The following SOAT2 variants were observed in gnomAD, a reference collection of about 807,000 sequenced individuals.
The protein encoded by SOAT2 is sterol O-acyltransferase 2, also known as ACAT-2.
Under a neutral mutation model 76.0 loss-of-function variants are expected in SOAT2, and 87 were observed. The observed-to-expected ratio is 1.14, with a 90% CI of 0.96 to 1.37. The LOEUF (loss-of-function observed/expected upper bound fraction) is 1.37, where lower values mean the gene tolerates loss of function less well. Among genes scored for constraint, SOAT2 ranks in the 40% most tolerant of loss-of-function variants. The pLI is 0.00. For synonymous variants in SOAT2, 285 were observed against 275.4 expected (o/e 1.03, Z -0.34); for missense variants, 686 against 682.1 (o/e 1.01, Z -0.06).
rs200859648 is a variant in SOAT2 at position 53,119,253 on chromosome 12, G to A, written c.1039G>A (p.Gly347Ser). ...CTCTATCCTGCATGCCACGTTGCCA[G>A]GTGAGCCAACTAAGGTAGGGCTAGA... ...VLSILHATLP[G>S]IFMLLLIFFA... Residue 347 changes from glycine to serine, a missense_variant and splice_region_variant, in exon 10 of 15, where the codon GGC becomes AGC. Gly to Ser is a moderately conservative substitution (Grantham distance 56). Coordinates refer to ENST00000301466, the MANE Select transcript of SOAT2 (RefSeq NM_003578.4). The A allele has an allele frequency of 1.7e-5, 28 of 1,613,934 alleles. No individual in the cohort carries two copies. In the East Asian group the frequency reaches 5.3e-4, roughly 31 times the overall value.
intron 13 of SOAT2, 84 bp downstream of exon 13, chr12:53,123,300 G>C: frequency 6.4e-7 from 1 of 1,555,992 alleles, no homozygotes; most frequent in Non-Finnish European, 8.8e-7. Flanking sequence ...ACTGATGGTG[G>C]GAGGCCTCGC....
intron 14 of SOAT2, 43 bp downstream of exon 14, chr12:53,123,916 C>T (rs2121310841): frequency 1.2e-6 from 2 of 1,612,200 alleles, no homozygotes; most frequent in South Asian, 2.2e-5. Context: ...TCCATGAGGA[C>T]ACACAGACCA....
intron 2 of SOAT2, 46 bp from the exon 3 acceptor site, chr12:53,105,060 TG>T (rs777628418): frequency 6.5e-7 from 1 of 1,541,946 alleles, no homozygotes; most frequent in Middle Eastern, 1.7e-4. Flanking sequence ...AATGAAAGGA[TG>T]GCTGACTGGA....
chr12:53,122,696 G>A (rs1335868498), intron 12 of SOAT2, among the ~76,000 whole-genome samples: 2 of 152,152 alleles, frequency 1.3e-5, no homozygotes, highest in African/African-American at 4.8e-5. Flanking sequence ...ATTTTTCTTA[G>A]TACAGAACAA....
intron 4 of SOAT2, 128 bp downstream of exon 4, chr12:53,105,748 G>A: frequency 1.9e-6 from 2 of 1,080,540 alleles, no homozygotes; most frequent in South Asian, 1.3e-5. Context: ...TTTCTAAGGT[G>A]CAGGTCCCCT....
At chr12:53,112,264 T>TG (rs1938023101) in intron 5 of SOAT2, among the ~76,000 whole-genome samples, 1 of 152,212 alleles carries the variant, frequency 6.6e-6, no homozygotes, top group Non-Finnish European at 1.5e-5. Context: ...GACAAGGTCC[T>TG]GGCCGGGTGT....
At chr12:53,119,331 C>A in intron 10 of SOAT2, 78 bp downstream of exon 10, 2 of 1,500,776 alleles carry the variant, frequency 1.3e-6, no homozygotes, top group Non-Finnish European at 1.8e-6. Flanking sequence ...AGTTACCTTC[C>A]CTCAGTTTCA....
intron 9 of SOAT2, 34 bp from the exon 10 acceptor site, chr12:53,119,090 C>A: frequency 6.2e-7 from 1 of 1,612,944 alleles, no homozygotes; most frequent in South Asian, 1.1e-5. Flanking sequence ...TGCCAGCATC[C>A]CTCTCCAGTT....
chr12:53,121,584 A>G (rs1301988363), intron 12 of SOAT2, among the ~76,000 whole-genome samples, 183 bp downstream of exon 12: 2 of 152,022 alleles, frequency 1.3e-5, no homozygotes, highest in African/African-American at 4.8e-5. Context: ...AGTCCTTGCA[A>G]TCTTAACTTT....
intron 5 of SOAT2, among the ~76,000 whole-genome samples, chr12:53,106,748 A>C (rs534087027): frequency 1.3e-5 from 2 of 152,366 alleles, no homozygotes; most frequent in South Asian, 4.1e-4. Context: ...TAAGCTCTAC[A>C]TCTATGTGTA....
At chr12:53,119,391 GCCATTGCCATGGTCTCAGTTCAGA>G in intron 10 of SOAT2, 138 bp downstream of exon 10, 1 of 919,630 alleles carries the variant, frequency 1.1e-6, no homozygotes, top group Non-Finnish European at 1.6e-6. Flanking sequence ...TCCTATCAGG[GCCATTGCCATGGTCTCAGTTCAGA>G]CCATCTGCTC....
rs1473665344 is a variant in SOAT2, at chr12:53,119,115, C to A, written c.910-9C>A. 1.3e-5 allele frequency: 21 copies of A among 1,613,880 alleles called. No homozygotes were observed. The highest frequency in any genetic ancestry group is 2.2e-5 in the East Asian group (1 of 44,866). On this transcript the variant is annotated splice_polypyrimidine_tract_variant and intron_variant, in intron 9 of 14. Transcript: ENST00000301466. ...CCTCTCCAGTTATGTGTCCCCATGC[C>A]CCCTCCAGGCCCTGGGATGTGTGCT...
intron 6 of SOAT2, 68 bp from the exon 7 acceptor site, chr12:53,116,029 C>A: frequency 7.4e-7 from 1 of 1,355,358 alleles, no homozygotes; most frequent in Non-Finnish European, 1.1e-6. Flanking sequence ...TAACCCAGAG[C>A]ACAGAGAGGT....
Position 53,119,134 on chromosome 12 carries a change from G to A in SOAT2, c.920G>A (p.Cys307Tyr). ...CCATGCCCCCTCCAGGCCCTGGGAT[G>A]TGTGCTCTATGCCTGCTTCATCCTG... is the stretch of plus-strand genomic sequence containing the variant. ...VAKNFAQALG[C>Y]VLYACFILGR... is the part of the protein sequence containing the mutation. Residue 307 changes from cysteine (C) to tyrosine (Y), a missense_variant, in exon 10 of 15, where the codon TGT becomes TAT. Coordinates refer to ENST00000301466, the MANE Select transcript of SOAT2 (RefSeq NM_003578.4). 1.9e-6 allele frequency: 3 copies of A among 1,613,846 alleles called. No individual in the cohort carries two copies. Among genetic ancestry groups the A allele is most frequent in the Non-Finnish European group, 2.5e-6 (3 of 1,179,916 alleles).
intron 8 of SOAT2, 101 bp from the exon 9 acceptor site, chr12:53,118,789 A>G (rs1938143755): frequency 7.7e-7 from 1 of 1,293,518 alleles, no homozygotes; most frequent in Non-Finnish European, 1.1e-6. Flanking sequence ...GGCCTAAGCA[A>G]TTAAGGGAAC....
chr12:53,124,308 C>T lies in SOAT2; in HGVS notation c.*185C>T, dbSNP rs1592281321. 1 of 638,152 alleles carries T rather than the reference C, an allele frequency of 1.6e-6. No homozygotes were observed. Among genetic ancestry groups the T allele is most frequent in the East Asian group, 2.7e-5 (1 of 36,690 alleles). The allele number at this position is 638,152 out of a possible 1,614,324, so 39.5% of individuals were successfully genotyped here. ...GACTTGTGGGTAACTGATCACAGAC[C>T]TCAGCATGGGGGTGACCAGGGTGAC... is the stretch of plus-strand genomic sequence containing the variant. On this transcript the variant is annotated 3_prime_UTR_variant, in exon 15 of 15. Coordinates refer to ENST00000301466, the MANE Select transcript of SOAT2 (RefSeq NM_003578.4).
chr12:53,124,056 A>T lies in SOAT2; in HGVS notation c.1519-17A>T, dbSNP rs750496617. 10 of 1,614,106 alleles carry T rather than the reference A, an allele frequency of 6.2e-6. No individual in the cohort carries two copies. Among genetic ancestry groups the T allele is most frequent in the Non-Finnish European group, 8.5e-6 (10 of 1,179,994 alleles). ...CCAGGAATGATCTCATTCACGACTT[A>T]TTCTTCTCTGGCTCAGGCAACTTTC... On this transcript the variant is annotated splice_polypyrimidine_tract_variant and intron_variant, in intron 14 of 14. Transcript: ENST00000301466.
chr12:53,124,355 G>A lies in SOAT2; in HGVS notation c.*232G>A. On this transcript the variant is annotated 3_prime_UTR_variant, in exon 15 of 15. Coordinates refer to ENST00000301466, the MANE Select transcript of SOAT2 (RefSeq NM_003578.4). ...TGACTCTTCAATCCCTATCCCCATG[G>A]GCTGGGTACAGGATATCCTCCTACC... 3.4e-6 allele frequency: 2 copies of A among 592,754 alleles called. No homozygotes were observed. Among genetic ancestry groups the A allele is most frequent in the Non-Finnish European group, 6.0e-6 (2 of 331,810 alleles). 36.7% of individuals were successfully genotyped at this position (592,754 alleles called of 1,614,324 possible). A position where few individuals can be genotyped will look rare whatever the true frequency, so the allele number is the denominator to read the frequency against.
intron 3 of SOAT2, 50 bp downstream of exon 3, chr12:53,105,293 G>T: frequency 6.4e-7 from 1 of 1,573,116 alleles, no homozygotes; most frequent in Non-Finnish European, 8.6e-7. Flanking sequence ...AGGATCATGA[G>T]CTAGAAACAT....
Sources: allele counts gnomAD v4.1 joint callset (sites outside exome capture counted in the v4.1 genomes callset), GRCh38; gene constraint gnomAD v4.1.1; transcripts MANE v1.5; gene names NCBI Gene and HGNC (gene_info 2026-07-23, HGNC 2026-07-21).